Variants in RNF144A observed in about 807,000 individuals in gnomAD.
RNF144A encodes the protein ring finger protein 144A.
RNF144A carries 11 observed loss-of-function variants against 38.7 expected under a neutral mutation model. That is an observed-to-expected ratio of 0.28 (90% CI 0.18 to 0.47). The LOEUF (loss-of-function observed/expected upper bound fraction) is 0.47. Ranked by LOEUF, RNF144A falls within the 20% of genes least tolerant of loss-of-function variation. The probability of loss-of-function intolerance (pLI) is 0.99; values close to 1 mark genes in which losing one functional copy is unlikely to be tolerated. For synonymous variants in RNF144A, 149 were observed against 143.9 expected, an observed-to-expected ratio of 1.04 and a Z score of -0.25; for missense variants, 316 against 377.2, an observed-to-expected ratio of 0.84 and a Z score of 1.34.
At position 7,018,505 on chromosome 2, in the gene RNF144A, C is replaced by T. The variant is rs984784409; in HGVS notation, c.302-1968C>T. On this transcript the variant is annotated intron_variant, in intron 5 of 8. Transcript: ENST00000320892. ...GTTTCCTCCTCACTGCTCAGCGTGG[C>T]GCTCAGTGCCCCAGGCTGGCATGTG... 1.1e-4 allele frequency among the ~76,000 whole-genome samples: 16 copies of T among 152,330 alleles called. No homozygotes were observed. In the South Asian group the frequency reaches 1.2e-3, roughly 12 times the overall value.
At chr2:7,017,321 G>GT (rs60629488) in intron 5 of RNF144A, among the ~76,000 whole-genome samples, 89,251 of 145,614 alleles carry the variant, frequency 0.61, 27,808 homozygotes, top group Non-Finnish European at 0.66. Flanking sequence ...TTTGTTCTTT[G>GT]TTTTTTTTTT....
At chr2:6,973,480 G>A (rs1460443098) in intron 2 of RNF144A, among the ~76,000 whole-genome samples, 3 of 152,206 alleles carry the variant, frequency 2.0e-5, no homozygotes, top group Admixed American at 2.0e-4. Flanking sequence ...CCGGGTAGCA[G>A]GTCCTCCTGG....
rs1157874518 is a variant in RNF144A at position 7,004,420 on chromosome 2, A to T, written c.135+7359A>T. ...TATCTGATCCTACTTCTGGGTCCTT[A>T]AGATGGGATCTAGTAACTGGCTTAG... is the stretch of plus-strand genomic sequence containing the variant. On this transcript the variant is annotated intron_variant, in intron 3 of 8. Transcript: ENST00000320892. 2.6e-5 allele frequency among the ~76,000 whole-genome samples: 4 copies of T among 152,262 alleles called. No individual in the cohort carries two copies. The South Asian group carries it at 8.3e-4, about 32-fold the overall frequency.
At position 6,925,050 on chromosome 2, in the gene RNF144A, A is replaced by G. The variant is rs140787357; in HGVS notation, c.-212+7428A>G. Among the ~76,000 whole-genome samples, 35 of 152,336 alleles carry G rather than the reference A, an allele frequency of 2.3e-4. 2 individuals are homozygous for G. The East Asian group carries it at 6.8e-3, about 29-fold the overall frequency. ...GGCGACCTCGATTGCCACACGGCGA[A>G]TTTTGATAGCGTATGCACTGGAGCT... On this transcript the variant is annotated intron_variant, in intron 1 of 8. Coordinates refer to ENST00000320892, the MANE Select transcript of RNF144A (RefSeq NM_014746.6).
At chr2:7,054,171 C>G (rs1249309876) in intron 6 of RNF144A, among the ~76,000 whole-genome samples, 2 of 151,780 alleles carry the variant, frequency 1.3e-5, no homozygotes, top group East Asian at 3.9e-4. Flanking sequence ...ACAAGGCAGA[C>G]AGTGTGAGAA....
chr2:7,026,555 G>A (rs1479455218), intron 7 of RNF144A, among the ~76,000 whole-genome samples: 1 of 142,246 alleles, frequency 7.0e-6, no homozygotes, highest in African/African-American at 2.6e-5. Context: ...TCTAATATCT[G>A]GCCTGCAATT....
chr2:6,955,475 C>T (rs190779042), intron 2 of RNF144A, among the ~76,000 whole-genome samples: 4 of 152,208 alleles, frequency 2.6e-5, no homozygotes, highest in East Asian at 1.9e-4. Context: ...GTGCCTAGAC[C>T]GAGTCAATTC....
At chr2:6,965,974 A>G (rs1453427159) in intron 2 of RNF144A, among the ~76,000 whole-genome samples, 1 of 152,246 alleles carries the variant, frequency 6.6e-6, no homozygotes, top group Non-Finnish European at 1.5e-5. Context: ...CACAACACAC[A>G]CACAAATACC....
intron 3 of RNF144A, among the ~76,000 whole-genome samples, chr2:7,002,845 A>C (rs1670198803): frequency 6.6e-6 from 1 of 152,162 alleles, no homozygotes; most frequent in Non-Finnish European, 1.5e-5. Flanking sequence ...TGTTAATCTC[A>C]TATGAGATGA....
chr2:6,930,013 A>G (rs1425151460), intron 1 of RNF144A, among the ~76,000 whole-genome samples: 1 of 152,252 alleles, frequency 6.6e-6, no homozygotes, highest in Non-Finnish European at 1.5e-5. Flanking sequence ...GTAAGGAAAG[A>G]TGCATTATTT....
chr2:7,008,915 G>T (rs937055780), intron 3 of RNF144A, among the ~76,000 whole-genome samples: 8 of 152,254 alleles, frequency 5.3e-5, no homozygotes, highest in Non-Finnish European at 1.2e-4. Context: ...TCCCAGATAA[G>T]TGACAGGCTT....
intron 3 of RNF144A, among the ~76,000 whole-genome samples, chr2:6,999,585 A>C (rs1669971628): frequency 6.6e-6 from 1 of 152,228 alleles, no homozygotes; most frequent in African/African-American, 2.4e-5. Flanking sequence ...AAAGCATGGC[A>C]TTTGGAGTCA....
At chr2:7,016,521 T>C (rs139366563) in intron 5 of RNF144A, among the ~76,000 whole-genome samples, 191 of 152,018 alleles carry the variant, frequency 1.3e-3, no homozygotes, top group African/African-American at 4.2e-3. Context: ...TTTTTTCCTT[T>C]TGCATAAACA....
At chr2:7,063,005 A>G (rs1674038747) in intron 6 of RNF144A, 1 of 152,254 alleles carries the variant, frequency 6.6e-6, no homozygotes, top group African/African-American at 2.4e-5. Context: ...AATGTTTGAC[A>G]GTTATCCAGA....
chr2:7,055,727 G>A (rs1673716216), intron 6 of RNF144A, among the ~76,000 whole-genome samples: 1 of 152,180 alleles, frequency 6.6e-6, no homozygotes, highest in Non-Finnish European at 1.5e-5. Flanking sequence ...TTTCATTCAT[G>A]CCTATGATTC....
chr2:6,938,871 C>G (rs1407139087), intron 1 of RNF144A, among the ~76,000 whole-genome samples: 1 of 152,122 alleles, frequency 6.6e-6, no homozygotes, highest in East Asian at 1.9e-4. Flanking sequence ...TCATCTGGCA[C>G]AATGTTTTCA....
chr2:6,963,923 T>TCC (rs1667493183), intron 2 of RNF144A, among the ~76,000 whole-genome samples: 1 of 152,066 alleles, frequency 6.6e-6, no homozygotes, highest in Admixed American at 6.6e-5. Flanking sequence ...AGGGAATGGG[T>TCC]CGACCTGGCC....
At chr2:6,957,640 C>T (rs1667094081) in intron 2 of RNF144A, among the ~76,000 whole-genome samples, 1 of 152,136 alleles carries the variant, frequency 6.6e-6, no homozygotes, top group Non-Finnish European at 1.5e-5. Context: ...TAGAGCTGAC[C>T]CTCAACAAGT....
rs575072440 is a variant in RNF144A, at chr2:6,938,210, T to C, written c.-211-2738T>C. Among the ~76,000 whole-genome samples, 479 of 150,630 alleles carry C rather than the reference T, an allele frequency of 3.2e-3. 2 individuals carry two copies. The highest frequency in any genetic ancestry group is 0.011 in the African/African-American group (460 of 41,098). The stretch of plus-strand genomic sequence containing the variant: ...CTTTTAAATTTTTTTCCACTTGGCA[T>C]GTTTCTGTTCCCCTCCCCTCCCCCT... On this transcript the variant is annotated intron_variant, in intron 1 of 8. Coordinates refer to ENST00000320892, the MANE Select transcript of RNF144A (RefSeq NM_014746.6).
Sources: allele counts gnomAD v4.1 joint callset (sites outside exome capture counted in the v4.1 genomes callset), GRCh38; gene constraint gnomAD v4.1.1; transcripts MANE v1.5; gene names NCBI Gene and HGNC (gene_info 2026-07-23, HGNC 2026-07-21).